THOC6: variants seen among roughly 807,000 people sequenced by gnomAD.
THOC6 encodes THO complex subunit 6.
A neutral mutation model predicts 55.8 loss-of-function variants in THOC6; 39 were observed. The ratio of observed to expected loss-of-function variants is 0.70; its 90% confidence interval spans 0.54 to 0.91. THOC6 has a LOEUF of 0.91. THOC6 is among the 40% of genes least tolerant of loss of function. The pLI is 0.00. For missense variants in THOC6, 482 were observed against 442.0 expected (o/e 1.09, Z -0.81); for synonymous variants, 192 against 175.6 (o/e 1.09, Z -0.74).
At position 3,025,929 on chromosome 16, in the gene THOC6, C is replaced by T. The variant is rs1233187682; in HGVS notation, c.161C>T (p.Ser54Phe). ...NYGQIAIFSL[S>F]SALSSEAKEE... ...CCCCTCCGCTGTCCCTGCAGCTTGT[C>T]CTCTGCTTTGAGCTCAGAAGCCAAA... The change falls in exon 3 of 13, where the codon TCC (serine) becomes TTC (phenylalanine). Residue 54 changes from serine to phenylalanine, a missense_variant. Physicochemically the swap from Ser to Phe is radical, Grantham distance 155 (BLOSUM62 -2). Coordinates refer to ENST00000326266, the MANE Select transcript of THOC6 (RefSeq NM_024339.5). The T allele has an allele frequency of 6.2e-7, 1 of 1,614,242 alleles. No individual in the cohort carries two copies. Among genetic ancestry groups the T allele is most frequent in the Admixed American group, 1.7e-5 (1 of 60,014 alleles).
chr16:3,026,793 G>A lies in THOC6; in HGVS notation c.586+12G>A, dbSNP rs2072806576. ...TGTTCGACTTTGGGGTAAGCAGGTG[G>A]CTGGTTGGAGGGCAAGATGGCAGTG... On this transcript the variant is annotated intron_variant, in intron 8 of 12. Transcript: ENST00000326266. The A allele has an allele frequency of 6.2e-7, 1 of 1,613,928 alleles. No individual in the cohort carries two copies. The highest frequency in any genetic ancestry group is 8.5e-7 in the Non-Finnish European group (1 of 1,179,892).
Position 3,027,017 on chromosome 16 carries a change from T to C in THOC6, c.643T>C (p.Ser215Pro). Residue 215 changes from serine (S) to proline (P), a missense_variant, in exon 10 of 13, where the codon TCG becomes CCG. Transcript: ENST00000326266. The stretch of plus-strand genomic sequence containing the variant: ...CCTCCCCTCCCCATCCCAGGAGTGC[T>C]CGAGGCCCCACAATGGGCGCTGGAT... ...TIEVYKHEEC[S>P]RPHNGRWIGC... The C allele has an allele frequency of 6.2e-7, 1 of 1,614,164 alleles. No homozygotes were observed. The highest frequency in any genetic ancestry group is 8.5e-7 in the Non-Finnish European group (1 of 1,180,032).
chr16:3,026,648 TCTC>T (rs1311213657), intron 7 of THOC6, 28 bp from the exon 8 acceptor site: 1 of 1,610,872 alleles, frequency 6.2e-7, no homozygotes, highest in African/African-American at 1.3e-5. Flanking sequence ...TCTTCCTAGG[TCTC>T]CTCCTGACAT....
At position 3,027,437 on chromosome 16, in the gene THOC6, TGGCTCCTCCCCA is replaced by T; in HGVS notation, c.885_896del (p.Ser296_Gly299del). The T allele has an allele frequency of 6.2e-7, 1 of 1,611,928 alleles. No individual in the cohort carries two copies. The highest frequency in any genetic ancestry group is 8.5e-7 in the Non-Finnish European group (1 of 1,179,454). The stretch of plus-strand genomic sequence containing the variant: ...GCGGGGAGCTGAAGGCCCAGGTGCC[TGGCTCCTCCCCA>T]GGGCTGCTCAGCCTCAGCCTCAACC... On this transcript the variant is annotated inframe_deletion, in exon 12 of 13. Transcript: ENST00000326266.
In THOC6 at chr16:3,024,107, G is replaced by C; in HGVS notation, c.-220G>C. On this transcript the variant is annotated 5_prime_UTR_variant, in exon 1 of 13. Transcript: ENST00000326266. ...GGAAGGCAGGCTTGCTCCTCGGGGT[G>C]GGGGAGGGTATCCGGCTTAAGGGGG... 4.2e-6 allele frequency: 3 copies of C among 712,622 alleles called. No individual in the cohort carries two copies. The highest frequency in any genetic ancestry group is 3.7e-4 in the Middle Eastern group (1 of 2,672). 44.1% of individuals were successfully genotyped at this position (712,622 alleles called of 1,614,324 possible).
At position 3,026,762 on chromosome 16, in the gene THOC6, T is replaced by C. The variant is rs746533344; in HGVS notation, c.567T>C (p.Asp189=). The C allele has an allele frequency of 2.4e-5, 38 of 1,613,894 alleles. No individual in the cohort carries two copies. The highest frequency in any genetic ancestry group is 3.2e-5 in the Non-Finnish European group (38 of 1,179,912). ...CAGAGGTGCTGTCAGGTGGCGAGGA[T>C]GGAGCTGTTCGACTTTGGGGTAAGC... ...RSPEVLSGGE[D]GAVRLWDLRT... is the part of the protein sequence containing the mutation. The change falls in exon 8 of 13, where the codon GAT becomes GAC. Residue 189 remains aspartate, a synonymous_variant. Coordinates refer to ENST00000326266, the MANE Select transcript of THOC6 (RefSeq NM_024339.5).
rs1194172240 is a variant in THOC6, at chr16:3,024,137, G to T, written c.-190G>T. 2 of 727,372 alleles carry T rather than the reference G, an allele frequency of 2.7e-6. No homozygotes were observed. The highest frequency in any genetic ancestry group is 4.6e-6 in the Non-Finnish European group (2 of 439,122). The allele number at this position is 727,372 out of a possible 1,614,324, so 45.1% of individuals were successfully genotyped here. On this transcript the variant is annotated 5_prime_UTR_variant, in exon 1 of 13. Coordinates refer to ENST00000326266, the MANE Select transcript of THOC6 (RefSeq NM_024339.5). Reference sequence around the variant, plus strand: ...AGGGTATCCGGCTTAAGGGGGCTGCGGTGGACACCACTTCTTAATGTCGGG... The same window carrying T: ...AGGGTATCCGGCTTAAGGGGGCTGCTGTGGACACCACTTCTTAATGTCGGG...
In THOC6 at chr16:3,026,308, T is replaced by G; in HGVS notation, c.362+20T>G. 1 of 1,614,000 alleles carries G rather than the reference T, an allele frequency of 6.2e-7. No homozygotes were observed. Among genetic ancestry groups the G allele is most frequent in the South Asian group, 1.1e-5 (1 of 91,084 alleles). ...ATACAGGTGAGCAGGGCCACGTGGA[T>G]AGAGGGTGCATCAGGGTGAAGCCAC... is the stretch of plus-strand genomic sequence containing the variant. On this transcript the variant is annotated intron_variant, in intron 5 of 12. Transcript: ENST00000326266.
chr16:3,027,743 CT>C lies in THOC6; in HGVS notation c.*92del. ...TTTTTTTTTACAATAAAGTTTCAGG[CT>C]TTTTTACCATGCTCTTTCTTTCTAT... On this transcript the variant is annotated 3_prime_UTR_variant, in exon 13 of 13. Coordinates refer to ENST00000326266, the MANE Select transcript of THOC6 (RefSeq NM_024339.5). 3.5e-6 allele frequency: 5 copies of C among 1,411,670 alleles called. No individual in the cohort carries two copies. Among genetic ancestry groups the C allele is most frequent in the Non-Finnish European group, 4.8e-6 (5 of 1,052,090 alleles). The allele number at this position is 1,411,670 out of a possible 1,614,324, so 87.4% of individuals were successfully genotyped here.
Position 3,025,945 on chromosome 16 carries a change from A to C in THOC6, c.177A>C (p.Ser59=). The part of the protein sequence containing the change: ...AIFSLSSALS[S]EAKEESKKPV... ...GCAGCTTGTCCTCTGCTTTGAGCTC[A>C]GAAGCCAAAGAGGAAAGTAAGAAGC... Residue 59 remains serine (S), a synonymous_variant, in exon 3 of 13, where the codon TCA becomes TCC. Coordinates refer to ENST00000326266, the MANE Select transcript of THOC6 (RefSeq NM_024339.5). The C allele has an allele frequency of 6.2e-7, 1 of 1,614,240 alleles. No individual in the cohort carries two copies. The highest frequency in any genetic ancestry group is 8.5e-7 in the Non-Finnish European group (1 of 1,180,044).
rs745988287 is a variant in THOC6 at position 3,027,634 on chromosome 16, C to T, written c.1003C>T (p.Arg335Ter). ...GGATGTCTTCACCAACCTGGGTTACCGAGCCTTCTCCCTGTCCTTCTGATC... is the reference window on the plus strand; with the variant it reads ...GGATGTCTTCACCAACCTGGGTTACTGAGCCTTCTCCCTGTCCTTCTGATC... ...RVDVFTNLGY[R>*]AFSLSF Residue 335 changes from arginine (R) to a stop codon, truncating the protein, a stop_gained, in exon 13 of 13, where the codon CGA (arginine) becomes TGA (stop). Coordinates refer to ENST00000326266, the MANE Select transcript of THOC6 (RefSeq NM_024339.5). LOFTEE classifies it high-confidence loss of function. The T allele has an allele frequency of 2.9e-5, 46 of 1,614,016 alleles. No homozygotes were observed. The highest frequency in any genetic ancestry group is 3.6e-5 in the Non-Finnish European group (43 of 1,180,014).
Position 3,027,078 on chromosome 16 carries a change from G to T in THOC6, c.699+5G>T. Reference sequence around the variant, plus strand: ...GCAACTGATTCCGACTGGATGGTGAGCTGGGCAGACTGTGGGATGGGATGG... The same window carrying T: ...GCAACTGATTCCGACTGGATGGTGATCTGGGCAGACTGTGGGATGGGATGG... On this transcript the variant is annotated splice_donor_5th_base_variant and intron_variant, in intron 10 of 12. Transcript: ENST00000326266. 1 of 1,614,180 alleles carries T rather than the reference G, an allele frequency of 6.2e-7. No individual in the cohort carries two copies. Among genetic ancestry groups the T allele is most frequent in the Non-Finnish European group, 8.5e-7 (1 of 1,180,030 alleles).
At chr16:3,026,826 C>G in intron 8 of THOC6, 41 bp from the exon 9 acceptor site, 1 of 1,614,140 alleles carries the variant, frequency 6.2e-7, no homozygotes, top group Admixed American at 1.7e-5. Context: ...GTGAAGGAGG[C>G]TGAGGCAAGT....
rs2072828964 is a variant in THOC6, at chr16:3,027,465, A to G, written c.910A>G (p.Ser304Gly). The change falls in exon 12 of 13, where the codon AGC (serine) becomes GGC (glycine). Residue 304 changes from serine (S) to glycine (G), a missense_variant. Coordinates refer to ENST00000326266, the MANE Select transcript of THOC6 (RefSeq NM_024339.5). ...CTCCTCCCCAGGGCTGCTCAGCCTC[A>G]GCCTCAACCAGCAGCCTGCCGCGCC... ...PGSSPGLLSL[S>G]LNQQPAAPEC... 1 of 1,610,474 alleles carries G rather than the reference A, an allele frequency of 6.2e-7. No homozygotes were observed. Among genetic ancestry groups the G allele is most frequent in the East Asian group, 2.2e-5 (1 of 44,824 alleles).
chr16:3,024,159 CG>C lies in THOC6; in HGVS notation c.-163del. On this transcript the variant is annotated 5_prime_UTR_variant, in exon 1 of 13. The change abolishes the stop of an existing upstream ORF in the 5' untranslated region. Transcript: ENST00000326266. Reference sequence around the variant, plus strand: ...TGCGGTGGACACCACTTCTTAATGTCGGGGGTCTTCGCGGCGCTCACCTCGG... The same window carrying C: ...TGCGGTGGACACCACTTCTTAATGTCGGGGTCTTCGCGGCGCTCACCTCGG... 2 of 796,670 alleles carry C rather than the reference CG, an allele frequency of 2.5e-6. No individual in the cohort carries two copies. The highest frequency in any genetic ancestry group is 4.1e-6 in the Non-Finnish European group (2 of 493,406). 49.4% of individuals were successfully genotyped at this position (796,670 alleles called of 1,614,324 possible).
In THOC6 at chr16:3,027,397, A is replaced by G; in HGVS notation, c.842A>G (p.Asn281Ser). 1.2e-6 allele frequency: 2 copies of G among 1,612,754 alleles called. No individual in the cohort carries two copies. Among genetic ancestry groups the G allele is most frequent in the Non-Finnish European group, 1.7e-6 (2 of 1,179,498 alleles). ...TCAGCTGGCCAGGGCCGCTGCGTCA[A>G]CCAGTGGCAGCTGAGCGGGGAGCTG... ...ILSAGQGRCV[N>S]QWQLSGELKA... The change falls in exon 12 of 13, where the codon AAC becomes AGC. Residue 281 changes from asparagine to serine, a missense_variant. Coordinates refer to ENST00000326266, the MANE Select transcript of THOC6 (RefSeq NM_024339.5).
chr16:3,025,886 C>T lies in THOC6; in HGVS notation c.156-38C>T, dbSNP rs757591019. On this transcript the variant is annotated intron_variant, in intron 2 of 12. Transcript: ENST00000326266. ...TTGGCCCTCATGGGACGGATGCCCCCGTTTCTGACTCCTGGGTCCCCTCCG... is the reference window on the plus strand; with the variant it reads ...TTGGCCCTCATGGGACGGATGCCCCTGTTTCTGACTCCTGGGTCCCCTCCG... The T allele has an allele frequency of 7.4e-6, 12 of 1,614,062 alleles. No individual in the cohort carries two copies. The African/African-American group carries it at 8.0e-5, about 11-fold the overall frequency.
rs2072726631 is a variant in THOC6 at position 3,024,378 on chromosome 16, T to A, written c.39+13T>A. The A allele has an allele frequency of 6.2e-7, 1 of 1,613,884 alleles. No homozygotes were observed. The highest frequency in any genetic ancestry group is 8.5e-7 in the Non-Finnish European group (1 of 1,179,972). On this transcript the variant is annotated intron_variant, in intron 1 of 12. Transcript: ENST00000326266. ...GCCTCTGGGTCAGGTGAGACGGACG[T>A]GGTGCGCGTTGCCTTCTGGGGTTTG...
In THOC6 at chr16:3,024,342, C is replaced by T. The variant is rs748537509; in HGVS notation, c.16C>T (p.Pro6Ser). ...AGTTCTGGAGATGGAGCGAGCTGTGCCGCTCGCGGTGCCTCTGGGTCAGGT... is the reference window on the plus strand; with the variant it reads ...AGTTCTGGAGATGGAGCGAGCTGTGTCGCTCGCGGTGCCTCTGGGTCAGGT... MERAV[P>S]LAVPLGQTEV... Residue 6 changes from proline to serine, a missense_variant, in exon 1 of 13, where the codon CCG (proline) becomes TCG (serine). Physicochemically the swap from Pro to Ser is moderately conservative, Grantham distance 74 (BLOSUM62 -1). Transcript: ENST00000326266. 16 of 1,613,966 alleles carry T rather than the reference C, an allele frequency of 9.9e-6. No homozygotes were observed. The Admixed American group carries it at 1.7e-4, about 17-fold the overall frequency.
Sources: gnomAD v4.1 joint callset for allele counts on GRCh38, gnomAD v4.1.1 for gene constraint, MANE v1.5 for transcripts, NCBI Gene and HGNC (gene_info 2026-07-23, HGNC 2026-07-21) for gene names.